Variants in PVT1 observed in about 807,000 individuals in gnomAD.
PVT1 encodes the protein CXCR4/PVT1 fusion.
intron 3 of PVT1, among the ~76,000 whole-genome samples, chr8:127,910,893 T>TTGTGTGTG (rs537562200): frequency 7.1e-5 from 10 of 140,732 alleles, no homozygotes; most frequent in African/African-American, 2.6e-4. Context: ...GTGTGTGTGT[T>TTGTGTGTG]TGTGTGTGTG....
chr8:128,053,439 T>C (rs1185528470), intron 4 of PVT1, among the ~76,000 whole-genome samples: 1 of 149,396 alleles, frequency 6.7e-6, no homozygotes, highest in Non-Finnish European at 1.5e-5. Context: ...TATATGTGTA[T>C]TTTATATATA....
chr8:128,021,335 T>C (rs954573218), intron 4 of PVT1, among the ~76,000 whole-genome samples: 13 of 137,700 alleles, frequency 9.4e-5, no homozygotes, highest in South Asian at 5.0e-4. Context: ...GCTCTGTTGC[T>C]CAGGCTGGAG....
At chr8:127,839,620 T>C (rs1586401474) in intron 2 of PVT1, among the ~76,000 whole-genome samples, 2 of 146,520 alleles carry the variant, frequency 1.4e-5, no homozygotes, top group Non-Finnish European at 1.5e-5. Flanking sequence ...AAAAAAGAGC[T>C]GGGACTTGAA....
At chr8:128,048,110 C>T (rs1169783493) in intron 4 of PVT1, among the ~76,000 whole-genome samples, 3 of 152,184 alleles carry the variant, frequency 2.0e-5, no homozygotes, top group African/African-American at 7.2e-5. Context: ...ACACACTTAA[C>T]ACACTCTGTG....
intron 3 of PVT1, among the ~76,000 whole-genome samples, chr8:127,956,125 G>A (rs1191352668): frequency 1.3e-5 from 2 of 152,254 alleles, no homozygotes; most frequent in African/African-American, 2.4e-5. Flanking sequence ...ACAATGGAGT[G>A]TGAGAAGGGC....
intron 4 of PVT1, among the ~76,000 whole-genome samples, chr8:128,059,951 T>C (rs535352074): frequency 1.3e-5 from 2 of 152,208 alleles, no homozygotes; most frequent in East Asian, 1.9e-4. Context: ...CATGCACTAA[T>C]GTATGGTAGA....
chr8:127,973,435 G>A (rs1586462276), intron 3 of PVT1, among the ~76,000 whole-genome samples: 1 of 152,152 alleles, frequency 6.6e-6, no homozygotes. Flanking sequence ...GAGGTCATGG[G>A]GGTAAAATAA....
intron 3 of PVT1, among the ~76,000 whole-genome samples, chr8:127,903,032 G>A (rs1815777843): frequency 6.6e-6 from 1 of 152,148 alleles, no homozygotes; most frequent in African/African-American, 2.4e-5. Context: ...ACAGTGGCTG[G>A]ACTAATTTAC....
chr8:127,992,183 C>T (rs368538195), intron 4 of PVT1, among the ~76,000 whole-genome samples: 1 of 151,832 alleles, frequency 6.6e-6, no homozygotes, highest in African/African-American at 2.4e-5. Flanking sequence ...GCCAGGAGTT[C>T]GAGACCAGCC....
rs1287509650 is a variant in PVT1, at chr8:127,847,315, ATGT to A, written n.373-43268_373-43266del. ...AAAATACCAACGTTGTATAATACAC[ATGT>A]TGTTGATGCGCTCTGTTGTTGGCAA... On this transcript the variant is annotated intron_variant and non_coding_transcript_variant, in intron 2 of 10. Transcript: ENST00000651587. Among the ~76,000 whole-genome samples the A allele has an allele frequency of 2.6e-5, 4 of 152,290 alleles. No individual in the cohort carries two copies. The East Asian group carries it at 5.8e-4, about 22-fold the overall frequency.
At chr8:127,981,873 G>C (rs972527625) in intron 3 of PVT1, among the ~76,000 whole-genome samples, 2 of 152,216 alleles carry the variant, frequency 1.3e-5, no homozygotes, top group African/African-American at 2.4e-5. Flanking sequence ...TGCCACCAAA[G>C]GCTGTCTGAC....
At chr8:127,829,322 A>G (rs1017476673) in intron 2 of PVT1, among the ~76,000 whole-genome samples, 1 of 152,188 alleles carries the variant, frequency 6.6e-6, no homozygotes, top group Non-Finnish European at 1.5e-5. Context: ...CCTTATATAT[A>G]TTCACACACA....
intron 5 of PVT1, among the ~76,000 whole-genome samples, chr8:128,071,695 T>TAAATAAATAAATAAATA (rs1813995937): frequency 6.7e-6 from 1 of 148,982 alleles, no homozygotes; most frequent in Non-Finnish European, 1.5e-5. Flanking sequence ...CTAAAATAAA[T>TAAATAAATAAATAAATA]AAATAAATAA....
At chr8:127,880,226 G>A (rs1238171832) in intron 2 of PVT1, among the ~76,000 whole-genome samples, 1 of 152,164 alleles carries the variant, frequency 6.6e-6, no homozygotes, top group African/African-American at 2.4e-5. Context: ...TTCTAGCACT[G>A]TGCTAGGAGC....
At chr8:128,057,825 C>G (rs1285008015) in intron 4 of PVT1, among the ~76,000 whole-genome samples, 2 of 152,216 alleles carry the variant, frequency 1.3e-5, no homozygotes, top group South Asian at 2.1e-4. Context: ...TTGGCTTATC[C>G]TGACAGCTGC....
intron 3 of PVT1, among the ~76,000 whole-genome samples, chr8:127,896,777 C>G (rs990618320): frequency 2.0e-4 from 26 of 130,028 alleles, no homozygotes; most frequent in African/African-American, 7.6e-4. Context: ...CCTTTCCTCC[C>G]CCCCCCCGCC....
chr8:127,811,219 C>G (rs1814591459), intron 2 of PVT1, among the ~76,000 whole-genome samples: 2 of 152,188 alleles, frequency 1.3e-5, no homozygotes, highest in Admixed American at 1.3e-4. Flanking sequence ...AAGATAGACC[C>G]AGTGTTGCCA....
At position 127,997,044 on chromosome 8, in the gene PVT1, G is replaced by GTTTTTTTTTTTT. The variant is rs1293036762; in HGVS notation, n.912+7754_912+7765dup. ...GAACATTCACTGGTCATTTGCTTTCGTTTTTTTTTTTTGTTTGTTTGTTTT... is the reference window on the plus strand; with the variant it reads ...GAACATTCACTGGTCATTTGCTTTCGTTTTTTTTTTTTTTTTTTTTTTTTGTTTGTTTGTTTT... On this transcript the variant is annotated intron_variant and non_coding_transcript_variant, in intron 4 of 10. Coordinates refer to ENST00000651587, the Ensembl canonical transcript of PVT1. Among the ~76,000 whole-genome samples the GTTTTTTTTTTTT allele has an allele frequency of 4.9e-5, 4 of 81,582 alleles. 1 individual carries two copies. The highest frequency in any genetic ancestry group is 5.1e-4 in the South Asian group (1 of 1,946). 53.5% of individuals were successfully genotyped at this position (81,582 alleles called of 152,430 possible). A position where few individuals can be genotyped will look rare whatever the true frequency, so the allele number is the denominator to read the frequency against.
intron 3 of PVT1, among the ~76,000 whole-genome samples, chr8:127,945,572 A>G (rs1361187336): frequency 6.6e-6 from 1 of 152,240 alleles, no homozygotes; most frequent in Non-Finnish European, 1.5e-5. Context: ...CTCCAAAGGC[A>G]GCATGAATCC....
Sources: gnomAD v4.1 joint callset for allele counts (sites outside exome capture counted in the v4.1 genomes callset) on GRCh38, gnomAD v4.1.1 for gene constraint, MANE v1.5 for transcripts, NCBI Gene and HGNC (gene_info 2026-07-23, HGNC 2026-07-21) for gene names.